Variants in PCDHA2 observed in about 807,000 individuals in gnomAD.
PCDHA2 encodes the protein protocadherin alpha-2.
Under a neutral mutation model 66.0 loss-of-function variants are expected in PCDHA2, and 58 were observed. The observed-to-expected ratio is 0.88, with a 90% confidence interval of 0.71 to 1.09. The LOEUF is 1.09. PCDHA2 is among the 50% of genes least tolerant of loss of function. The pLI is 0.00. For missense variants in PCDHA2, 1,267 were observed against 1,242.3 expected (o/e 1.02, Z -0.30); for synonymous variants, 634 against 554.0 (o/e 1.14, Z -2.03).
At chr5:140,968,125 T>G in intron 1 of PCDHA2, 2 of 1,614,174 alleles carry the variant, frequency 1.2e-6, no homozygotes, top group South Asian at 2.2e-5. Flanking sequence ...CATCCCTGCG[T>G]ACACTGAAGG....
At chr5:140,927,436 T>A (rs776039540) in intron 1 of PCDHA2, 1 of 1,614,132 alleles carries the variant, frequency 6.2e-7, no homozygotes, top group Non-Finnish European at 8.5e-7. Context: ...CGGCAGCGAA[T>A]ACCCGGAGTT....
intron 1 of PCDHA2, chr5:140,968,672 G>A: frequency 6.2e-7 from 1 of 1,614,180 alleles, no homozygotes; most frequent in Non-Finnish European, 8.5e-7. Context: ...CTTTAAGGTA[G>A]AGCTGCACAC....
At chr5:140,868,397 GATATGAA>G (rs1182982921) in intron 1 of PCDHA2, 2 of 152,062 alleles carry the variant, frequency 1.3e-5, no homozygotes, top group African/African-American at 2.4e-5. Flanking sequence ...ATAGAAAATA[GATATGAA>G]AATGCAAGCC....
Position 140,858,059 on chromosome 5 carries a change from G to C in PCDHA2, c.2388+60707G>C, listed in dbSNP as rs200045353. 1,846 of 1,597,616 alleles carry C rather than the reference G, an allele frequency of 1.2e-3. 155 individuals carry two copies. The highest frequency in any genetic ancestry group is 1.5e-3 in the Middle Eastern group (9 of 5,984). On this transcript the variant is annotated intron_variant, in intron 1 of 3. Coordinates refer to ENST00000526136, the MANE Select transcript of PCDHA2 (RefSeq NM_018905.3). ...CACTGTGCTTGTGTCGCTTGTGGAG[G>C]GCAGCCAGGCACCCAAGGCCTCGTC...
At position 140,969,614 on chromosome 5, in the gene PCDHA2, T is replaced by G. The variant is rs56144348; in HGVS notation, c.2389-9335T>G. The G allele has an allele frequency of 1.3e-3, 977 of 725,126 alleles. 8 individuals are homozygous for G. In the African/African-American group the frequency reaches 0.016, roughly 12 times the overall value. 44.9% of individuals were successfully genotyped at this position (725,126 alleles called of 1,614,324 possible). A position where few individuals can be genotyped will look rare whatever the true frequency, so the allele number is the denominator to read the frequency against. ...AATATTTAATGCTAAAACACAGATT[T>G]GTAGAGAAACAGGACAGGCCTTGGA... On this transcript the variant is annotated intron_variant, in intron 1 of 3. Transcript: ENST00000526136.
chr5:140,821,577 T>C (rs1280254003), intron 1 of PCDHA2: 14 of 602,200 alleles, frequency 2.3e-5, no homozygotes, highest in Non-Finnish European at 2.7e-5. Flanking sequence ...CCGGAAGGTT[T>C]TTCTCCCTTC....
chr5:140,801,666 G>C (rs1554121620), intron 1 of PCDHA2: 5 of 1,614,032 alleles, frequency 3.1e-6, no homozygotes, highest in Non-Finnish European at 4.2e-6. Context: ...GCTAGAGGGC[G>C]CATCAGATGC....
Position 140,893,829 on chromosome 5 carries a change from A to G in PCDHA2, c.2389-85120A>G, listed in dbSNP as rs528174798. On this transcript the variant is annotated intron_variant, in intron 1 of 3. Transcript: ENST00000526136. ...TTGAGTCTGGTACCGTAGACTACTC[A>G]GCCATCCTGATGCCCTACCTCTTGT... Among the ~76,000 whole-genome samples the G allele has an allele frequency of 2.0e-5, 3 of 152,296 alleles. No homozygotes were observed. The South Asian group carries it at 6.2e-4, about 32-fold the overall frequency.
chr5:140,847,671 A>G (rs1178920203), intron 1 of PCDHA2: 1 of 149,902 alleles, frequency 6.7e-6, no homozygotes, highest in Admixed American at 6.7e-5. Flanking sequence ...TAAAGCTTGG[A>G]AAGAATCAAA....
Position 140,821,852 on chromosome 5 carries a change from G to A in PCDHA2, c.2388+24500G>A, listed in dbSNP as rs1554128268. On this transcript the variant is annotated intron_variant, in intron 1 of 3. Transcript: ENST00000526136. ...CTTCTCCTTGCCTACTGGAAGGCAG[G>A]GAGCGGCCAGCTCCACTACTCGATC... The A allele has an allele frequency of 3.7e-6, 6 of 1,614,200 alleles. No homozygotes were observed. In the Middle Eastern group the frequency reaches 4.9e-4, roughly 133 times the overall value.
At chr5:140,897,175 G>A (rs1293904744) in intron 1 of PCDHA2, among the ~76,000 whole-genome samples, 3 of 151,828 alleles carry the variant, frequency 2.0e-5, no homozygotes, top group Admixed American at 6.6e-5. Flanking sequence ...ATCTCCATGG[G>A]TTCAAAAAAT....
At chr5:140,871,475 G>A in intron 1 of PCDHA2, 1 of 1,598,972 alleles carries the variant, frequency 6.3e-7, no homozygotes, top group Non-Finnish European at 8.5e-7. Context: ...CAGGAGCCAG[G>A]GTCAAATCAC....
chr5:140,924,902 A>AAAAAT (rs1554202311), intron 1 of PCDHA2, among the ~76,000 whole-genome samples: 1 of 39,026 alleles, frequency 2.6e-5, no homozygotes, highest in Non-Finnish European at 6.3e-5. Context: ...CTCAAAAAAA[A>AAAAAT]AAATAAAATA....
intron 1 of PCDHA2, chr5:140,852,492 G>T (rs972287680): frequency 4.6e-6 from 1 of 217,062 alleles, no homozygotes; most frequent in Non-Finnish European, 8.5e-6. Context: ...TGGCCAGGTT[G>T]GTCTCGAACT....
intron 3 of PCDHA2, among the ~76,000 whole-genome samples, chr5:140,982,864 T>G (rs1294289316): frequency 1.3e-5 from 2 of 152,114 alleles, no homozygotes; most frequent in Non-Finnish European, 2.9e-5. Flanking sequence ...TTCAAATGCT[T>G]AGGTCATCCA....
chr5:140,841,787 G>A, intron 1 of PCDHA2: 1 of 1,613,878 alleles, frequency 6.2e-7, no homozygotes, highest in Non-Finnish European at 8.5e-7. Context: ...TCCGCTAGAG[G>A]GCGCGTCCGA....
chr5:140,892,534 T>C (rs1554185241), intron 1 of PCDHA2, among the ~76,000 whole-genome samples: 2 of 152,254 alleles, frequency 1.3e-5, no homozygotes, highest in African/African-American at 2.4e-5. Context: ...CTCAGGATTC[T>C]GACTTTTGTT....
Position 140,857,393 on chromosome 5 carries a change from G to A in PCDHA2, c.2388+60041G>A, listed in dbSNP as rs146099067. 164 of 1,598,378 alleles carry A rather than the reference G, an allele frequency of 1.0e-4. 11 individuals are homozygous for A. Among genetic ancestry groups the A allele is most frequent in the Non-Finnish European group, 1.3e-4 (157 of 1,167,892 alleles). ...GTCTGTGGAGGTGGCCGACGTGAAC[G>A]ACAACGCGCCTGCGTTCGCGCAGTC... On this transcript the variant is annotated intron_variant, in intron 1 of 3. Coordinates refer to ENST00000526136, the MANE Select transcript of PCDHA2 (RefSeq NM_018905.3).
At chr5:140,882,113 G>C in intron 1 of PCDHA2, 1 of 1,394,318 alleles carries the variant, frequency 7.2e-7, no homozygotes, top group South Asian at 1.5e-5. Context: ...GAAGAAAGCC[G>C]CCGTTTCTTT....
Sources: gnomAD v4.1 joint callset for allele counts (sites outside exome capture counted in the v4.1 genomes callset) on GRCh38, gnomAD v4.1.1 for gene constraint, MANE v1.5 for transcripts, NCBI Gene and HGNC (gene_info 2026-07-23, HGNC 2026-07-21) for gene names.